SLTM: variants seen among roughly 807,000 people sequenced by gnomAD.
SLTM encodes SAFB like transcription modulator.
A neutral mutation model predicts 134.6 loss-of-function variants in SLTM; 43 were observed. That is an observed-to-expected ratio of 0.32 (90% CI 0.25 to 0.41). The LOEUF (loss-of-function observed/expected upper bound fraction) is 0.41. SLTM is among the 10% of genes least tolerant of loss of function. SLTM has a pLI of 1.00. For synonymous variants in SLTM, 424 were observed against 432.3 expected, an observed-to-expected ratio of 0.98 and a Z score of 0.24; for missense variants, 1,055 against 1,288.8, an observed-to-expected ratio of 0.82 and a Z score of 2.78.
chr15:58,889,727 G>T (rs574719668), intron 15 of SLTM, among the ~76,000 whole-genome samples, 173 bp from the exon 16 acceptor site: 16 of 152,278 alleles, frequency 1.1e-4, no homozygotes, highest in African/African-American at 2.6e-4. Context: ...TGTAGCTATT[G>T]TTCTGCAACA....
At chr15:58,885,814 AAAC>A (rs1307874796) in intron 19 of SLTM, among the ~76,000 whole-genome samples, 107 of 144,376 alleles carry the variant, frequency 7.4e-4, no homozygotes, top group African/African-American at 2.6e-3. Flanking sequence ...AAAACAAAAA[AAAC>A]AACAACACAC....
intron 9 of SLTM, among the ~76,000 whole-genome samples, chr15:58,895,059 G>T (rs1161938033): frequency 1.3e-5 from 2 of 152,046 alleles, no homozygotes; most frequent in African/African-American, 4.8e-5. Context: ...AAATATTCAG[G>T]GGAACAATTT....
rs756083932 is a variant in SLTM at position 58,883,628 on chromosome 15, T to C, written c.2994A>G (p.Ser998=). 1 of 1,614,038 alleles carries C rather than the reference T, an allele frequency of 6.2e-7. No homozygotes were observed. The highest frequency in any genetic ancestry group is 1.1e-5 in the South Asian group (1 of 91,072). ...RAGAGMITQH[S]SNASPINRIV... is the part of the protein sequence containing the mutation. The stretch of plus-strand genomic sequence containing the variant: ...AGAAAAACTGGTTAGTTATTTACCT[T>C]GAATGTTGGGTTATCATGCCTGCTC... The change falls in exon 20 of 21, where the codon TCA becomes TCG. Residue 998 remains serine (S), a splice_region_variant and synonymous_variant. Coordinates refer to ENST00000380516, the MANE Select transcript of SLTM (RefSeq NM_024755.4).
chr15:58,893,093 T>C, intron 13 of SLTM, 33 bp from the exon 14 acceptor site: 1 of 1,542,916 alleles, frequency 6.5e-7, no homozygotes, highest in Non-Finnish European at 8.7e-7. Context: ...CACTAGAAAT[T>C]AAAATATTTT....
intron 9 of SLTM, among the ~76,000 whole-genome samples, chr15:58,894,973 G>T (rs952070701): frequency 6.6e-6 from 1 of 152,138 alleles, no homozygotes; most frequent in Non-Finnish European, 1.5e-5. Context: ...CCACAGTGCT[G>T]GGATTACAAG....
intron 2 of SLTM, among the ~76,000 whole-genome samples, chr15:58,921,143 TGG>T (rs1408292729): frequency 6.6e-6 from 1 of 152,214 alleles, no homozygotes; most frequent in African/African-American, 2.4e-5. Context: ...GTGGCATCTA[TGG>T]TCCAGGTGCT....
At chr15:58,931,875 C>A (rs2037903692) in intron 2 of SLTM, among the ~76,000 whole-genome samples, 1 of 151,968 alleles carries the variant, frequency 6.6e-6, no homozygotes, top group Admixed American at 6.6e-5. Flanking sequence ...TTGAATTTCA[C>A]TAAAAATTAG....
rs1450877227 is a variant in SLTM at position 58,899,575 on chromosome 15, C to T, written c.952G>A (p.Glu318Lys). The T allele has an allele frequency of 5.0e-6, 8 of 1,614,044 alleles. No homozygotes were observed. Among genetic ancestry groups the T allele is most frequent in the Admixed American group, 1.7e-5 (1 of 59,998 alleles). ...TTAGAACTTTCTCTGGCTTCCTTCTCGACAGGGTCACCCTTCACGCAGTCT... is the reference window on the plus strand; with the variant it reads ...TTAGAACTTTCTCTGGCTTCCTTCTTGACAGGGTCACCCTTCACGCAGTCT... The part of the protein sequence containing the change: ...KEDCVKGDPV[E>K]KEARESSKKA... Residue 318 changes from glutamate (E) to lysine (K), a missense_variant, in exon 7 of 21, where the codon GAG (glutamate) becomes AAG (lysine). Glu to Lys is a moderately conservative substitution (Grantham distance 56). Coordinates refer to ENST00000380516, the MANE Select transcript of SLTM (RefSeq NM_024755.4). The surrounding 1 kb of genome is among the most constrained non-coding windows in gnomAD (Gnocchi z 5.0).
In SLTM at chr15:58,889,095, C is replaced by G. The variant is rs540340366; in HGVS notation, c.2204+335G>C. On this transcript the variant is annotated intron_variant, in intron 16 of 20. Coordinates refer to ENST00000380516, the MANE Select transcript of SLTM (RefSeq NM_024755.4). ...CAAACACACAATAGAATCTATCTTT[C>G]AATCTCAAGTTTATGACTTCCATTT... The G allele has an allele frequency of 4.6e-4, 102 of 222,804 alleles. 1 individual carries two copies. The South Asian group carries it at 7.6e-3, about 17-fold the overall frequency. 13.8% of individuals were successfully genotyped at this position (222,804 alleles called of 1,614,324 possible).
At position 58,906,679 on chromosome 15, in the gene SLTM, T is replaced by A. The variant is rs1177498622; in HGVS notation, c.562-5392A>T. ...TAAAACAAACTTTCAAAATAACTTT[T>A]AAACCACTACTTACCTATCGGGGAA... On this transcript the variant is annotated intron_variant, in intron 5 of 20. Coordinates refer to ENST00000380516, the MANE Select transcript of SLTM (RefSeq NM_024755.4). 2.0e-5 allele frequency among the ~76,000 whole-genome samples: 3 copies of A among 152,220 alleles called. No individual in the cohort carries two copies. In the East Asian group the frequency reaches 5.8e-4, roughly 29 times the overall value.
chr15:58,906,972 T>G (rs1251999163), intron 5 of SLTM, among the ~76,000 whole-genome samples: 1 of 152,222 alleles, frequency 6.6e-6, no homozygotes, highest in Non-Finnish European at 1.5e-5. Context: ...ATTTACCCTG[T>G]CGTTATCACT....
At chr15:58,913,759 G>T in intron 3 of SLTM, 63 bp from the exon 4 acceptor site, 1 of 1,331,220 alleles carries the variant, frequency 7.5e-7, no homozygotes, top group Non-Finnish European at 1.1e-6. Flanking sequence ...TCCACCAAAC[G>T]TTTTTGGTAA....
Position 58,887,318 on chromosome 15 carries a change from A to G in SLTM, c.2598T>C (p.His866=), listed in dbSNP as rs774252718. ...GCCCTGCCTCTCGAGGATGTCTAGGATGAGTGATATCAGGCCTGTCATGAA... is the reference window on the plus strand; with the variant it reads ...GCCCTGCCTCTCGAGGATGTCTAGGGTGAGTGATATCAGGCCTGTCATGAA... ...VIIHDRPDIT[H]PRHPREAGPN... The change falls in exon 18 of 21, where the codon CAT becomes CAC. Residue 866 remains histidine, a synonymous_variant. Coordinates refer to ENST00000380516, the MANE Select transcript of SLTM (RefSeq NM_024755.4). 6.2e-7 allele frequency: 1 copy of G among 1,613,936 alleles called. No homozygotes were observed. Among genetic ancestry groups the G allele is most frequent in the Non-Finnish European group, 8.5e-7 (1 of 1,180,012 alleles).
chr15:58,886,359 T>C (rs905878658), intron 19 of SLTM, among the ~76,000 whole-genome samples: 16 of 151,594 alleles, frequency 1.1e-4, no homozygotes, highest in Non-Finnish European at 2.1e-4. Flanking sequence ...CTCCAACTCT[T>C]GGGCTCAAGT....
At chr15:58,880,183 T>TG (rs34042545) in intron 20 of SLTM, 76 bp from the exon 21 acceptor site, 310,028 of 1,527,542 alleles carry the variant, frequency 0.2, 36,370 homozygotes, top group South Asian at 0.43. Context: ...GCACTGTTCT[T>TG]GGTACTTTAT....
intron 2 of SLTM, among the ~76,000 whole-genome samples, chr15:58,919,907 G>C (rs1451678691): frequency 6.6e-6 from 1 of 152,130 alleles, no homozygotes; most frequent in Non-Finnish European, 1.5e-5. Context: ...CTTGAAAATG[G>C]TGCTGTCAGA....
At chr15:58,902,536 C>T (rs997336410) in intron 5 of SLTM, among the ~76,000 whole-genome samples, 1 of 151,698 alleles carries the variant, frequency 6.6e-6, no homozygotes, top group Non-Finnish European at 1.5e-5. Context: ...CAGATGTGTG[C>T]CACCATGTCC....
intron 19 of SLTM, among the ~76,000 whole-genome samples, chr15:58,886,373 T>C (rs535264692): frequency 6.6e-6 from 1 of 151,926 alleles, no homozygotes; most frequent in South Asian, 2.1e-4. Flanking sequence ...CTCAAGTGAT[T>C]CTCCTGCTTC....
At chr15:58,908,053 TTTTTCTTTC>T (rs1407439575) in intron 5 of SLTM, among the ~76,000 whole-genome samples, 18 of 98,824 alleles carry the variant, frequency 1.8e-4, no homozygotes, top group Non-Finnish European at 3.7e-4. Flanking sequence ...ACATAATTTC[TTTTTCTTTC>T]TTTTTTTTTT....
Sources: gnomAD v4.1 joint callset for allele counts (sites outside exome capture counted in the v4.1 genomes callset) on GRCh38, gnomAD v4.1.1 for gene constraint, Gnocchi (gnomAD v3.1) non-coding constraint, MANE v1.5 for transcripts, NCBI Gene and HGNC (gene_info 2026-07-23, HGNC 2026-07-21) for gene names.